MTERF3: variants seen among roughly 807,000 people sequenced by gnomAD.
The protein encoded by MTERF3 is transcription termination factor 3, mitochondrial.
Under a neutral mutation model 40.5 loss-of-function variants are expected in MTERF3, and 40 were observed. The ratio of observed to expected loss-of-function variants is 0.99; its 90% confidence interval spans 0.77 to 1.29. The LOEUF is 1.29. MTERF3 is among the 50% of genes most tolerant of loss of function. The pLI is 0.00. For missense variants in MTERF3, 452 were observed against 478.2 expected (o/e 0.95, Z 0.51); for synonymous variants, 158 against 166.6 (o/e 0.95, Z 0.40).
intron 4 of MTERF3, among the ~76,000 whole-genome samples, chr8:96,250,038 G>A (rs1810095516): frequency 6.6e-6 from 1 of 152,106 alleles, no homozygotes; most frequent in East Asian, 1.9e-4. Flanking sequence ...CCAATGCCTA[G>A]CAGGATTCTT....
chr8:96,258,367 C>G lies in MTERF3; in HGVS notation c.324G>C (p.Leu108=), dbSNP rs1563553073. 1.2e-6 allele frequency: 2 copies of G among 1,607,364 alleles called. No homozygotes were observed. Among genetic ancestry groups the G allele is most frequent in the Middle Eastern group, 1.7e-4 (1 of 6,026 alleles). The change falls in exon 2 of 8, where the codon CTG becomes CTC. Residue 108 remains leucine, a synonymous_variant. Coordinates refer to ENST00000287025, the MANE Select transcript of MTERF3 (RefSeq NM_015942.5). The stretch of plus-strand genomic sequence containing the variant: ...AAAGTTCAGAATTACCTTCTAGAAA[C>G]AGCTCAGAATCAAAGCTGGATATAT... The part of the protein sequence containing the change: ...TQNISSFDSE[L]FLEELDELPP...
At chr8:96,240,132 C>T (rs1399998522) in intron 7 of MTERF3, among the ~76,000 whole-genome samples, 1 of 152,026 alleles carries the variant, frequency 6.6e-6, no homozygotes, top group African/African-American at 2.4e-5. Flanking sequence ...CCTGTAATCC[C>T]AGCTACTCAG....
rs745964989 is a variant in MTERF3 at position 96,239,548 on chromosome 8, A to G, written c.1197T>C (p.Cys399=). The change falls in exon 8 of 8, where the codon TGT becomes TGC. Residue 399 remains cysteine (C), a synonymous_variant. Transcript: ENST00000287025. The part of the protein sequence containing the change: ...KLVSIPDEIF[C]EEIAKASVQD... The stretch of plus-strand genomic sequence containing the variant: ...GTACTGATGCTTTGGCAATCTCTTC[A>G]CAAAATATTTCATCAGGAATAGATA... 1.2e-6 allele frequency: 2 copies of G among 1,611,736 alleles called. No individual in the cohort carries two copies. Among genetic ancestry groups the G allele is most frequent in the Admixed American group, 3.4e-5 (2 of 59,158 alleles).
At chr8:96,246,532 C>T (rs1327443149) in intron 4 of MTERF3, 78 bp from the exon 5 acceptor site, 5 of 1,282,988 alleles carry the variant, frequency 3.9e-6, no homozygotes, top group Non-Finnish European at 5.2e-6. Flanking sequence ...ATGCTACTTC[C>T]CAAAGTAACA....
At position 96,250,945 on chromosome 8, in the gene MTERF3, T is replaced by C. The variant is rs774138654; in HGVS notation, c.638A>G (p.His213Arg). ...TTCAAGGTCTTCAGAGAAAATTGCATGATTTTTTGTCAGGAATGCTCCCAG... is the reference window on the plus strand; with the variant it reads ...TTCAAGGTCTTCAGAGAAAATTGCACGATTTTTTGTCAGGAATGCTCCCAG... ...NQLGAFLTKN[H>R]AIFSEDLENL... The change falls in exon 4 of 8, where the codon CAT becomes CGT. Residue 213 changes from histidine (H) to arginine (R), a missense_variant. By Grantham distance (29) the His-to-Arg change is conservative. Transcript: ENST00000287025. 1.9e-6 allele frequency: 3 copies of C among 1,609,316 alleles called. No individual in the cohort carries two copies. The highest frequency in any genetic ancestry group is 3.4e-5 in the Admixed American group (2 of 58,630).
At chr8:96,260,335 C>G (rs1810359243) in intron 1 of MTERF3, 1 of 151,910 alleles carries the variant, frequency 6.6e-6, no homozygotes, top group Non-Finnish European at 1.5e-5. Context: ...CATTCATTCT[C>G]TGCACGGTAG....
At chr8:96,253,243 C>T (rs1277322960) in intron 3 of MTERF3, among the ~76,000 whole-genome samples, 2 of 152,088 alleles carry the variant, frequency 1.3e-5, no homozygotes, top group African/African-American at 2.4e-5. Context: ...CAAACAAGAG[C>T]CTTCCCAACA....
chr8:96,243,778 C>A, intron 7 of MTERF3, 141 bp downstream of exon 7: 2 of 866,998 alleles, frequency 2.3e-6, no homozygotes, highest in Non-Finnish European at 3.5e-6. Context: ...AGAGACTAAT[C>A]ACTGATTTCT....
chr8:96,242,935 T>G (rs556828777), intron 7 of MTERF3, among the ~76,000 whole-genome samples: 96 of 152,306 alleles, frequency 6.3e-4, no homozygotes, highest in African/African-American at 2.2e-3. Context: ...TCATTTCTTT[T>G]TCGTTGAAGA....
Position 96,256,906 on chromosome 8 carries a change from T to TA in MTERF3, c.487+55dup. The TA allele has an allele frequency of 2.7e-6, 4 of 1,485,812 alleles. No individual in the cohort carries two copies. In the South Asian group the frequency reaches 4.0e-5, roughly 15 times the overall value. The allele number at this position is 1,485,812 out of a possible 1,614,324, so 92.0% of individuals were successfully genotyped here. A position where few individuals can be genotyped will look rare whatever the true frequency, so the allele number is the denominator to read the frequency against. ...AGATTAAATTGTTAATTTAAAAAAG[T>TA]AAAAAAAGTAATGAAGAGTACATGC... is the stretch of plus-strand genomic sequence containing the variant. On this transcript the variant is annotated intron_variant, in intron 3 of 7. Transcript: ENST00000287025.
At chr8:96,242,211 C>A (rs1484117117) in intron 7 of MTERF3, among the ~76,000 whole-genome samples, 2 of 151,922 alleles carry the variant, frequency 1.3e-5, no homozygotes, top group Non-Finnish European at 2.9e-5. Context: ...TGTTTTTATT[C>A]CCCAATAATT....
At chr8:96,249,739 T>C (rs923248027) in intron 4 of MTERF3, among the ~76,000 whole-genome samples, 1 of 152,144 alleles carries the variant, frequency 6.6e-6, no homozygotes, top group African/African-American at 2.4e-5. Flanking sequence ...TGCAGTAATC[T>C]TGGTGTGATA....
chr8:96,244,154 A>ATT (rs1012651979), intron 6 of MTERF3, 74 bp from the exon 7 acceptor site: 647 of 1,038,048 alleles, frequency 6.2e-4, no homozygotes, highest in Non-Finnish European at 7.1e-4. Context: ...GGCTGCACTG[A>ATT]TTTTTTTTTT....
intron 3 of MTERF3, 59 bp from the exon 4 acceptor site, chr8:96,251,154 T>C: frequency 7.3e-7 from 1 of 1,373,362 alleles, no homozygotes; most frequent in Non-Finnish European, 9.7e-7. Context: ...ATTAAACTCA[T>C]ATACATAAGC....
intron 1 of MTERF3, chr8:96,260,192 C>G (rs1037810975): frequency 6.6e-6 from 1 of 152,158 alleles, no homozygotes; most frequent in East Asian, 1.9e-4. Context: ...TGAGCCACTG[C>G]GCTCGGCCCA....
intron 4 of MTERF3, 89 bp from the exon 5 acceptor site, chr8:96,246,543 GCTGTTTT>G (rs1295957198): frequency 4.9e-6 from 6 of 1,221,176 alleles, no homozygotes; most frequent in Non-Finnish European, 6.6e-6. Context: ...CAAAGTAACA[GCTGTTTT>G]TAAAAAGGCT....
intron 1 of MTERF3, among the ~76,000 whole-genome samples, chr8:96,258,975 G>T (rs1810332652): frequency 6.6e-6 from 1 of 152,154 alleles, no homozygotes; most frequent in Non-Finnish European, 1.5e-5. Context: ...AATGACACTG[G>T]TGTAAGAAAA....
At chr8:96,240,439 CCT>C (rs147944576) in intron 7 of MTERF3, among the ~76,000 whole-genome samples, 96 of 152,126 alleles carry the variant, frequency 6.3e-4, no homozygotes, top group African/African-American at 2.2e-3. Flanking sequence ...ATCTGTAACA[CCT>C]CTCTCTCTCC....
At chr8:96,253,861 A>G (rs1810232907) in intron 3 of MTERF3, among the ~76,000 whole-genome samples, 1 of 151,686 alleles carries the variant, frequency 6.6e-6, no homozygotes, top group Non-Finnish European at 1.5e-5. Flanking sequence ...AAAAAAAAAA[A>G]ATTAGCCCAG....
Sources: allele counts gnomAD v4.1 joint callset (sites outside exome capture counted in the v4.1 genomes callset), GRCh38; gene constraint gnomAD v4.1.1; transcripts MANE v1.5; gene names NCBI Gene and HGNC (gene_info 2026-07-23, HGNC 2026-07-21).